KCNH8: variants seen among roughly 807,000 people sequenced by gnomAD.
KCNH8 encodes potassium voltage-gated channel subfamily H member 8.
In KCNH8, 70 loss-of-function variants were observed where a neutral mutation model predicts 103.6. The ratio of observed to expected loss-of-function variants is 0.68; its 90% CI spans 0.56 to 0.82. KCNH8 has a LOEUF of 0.82. Ranked by LOEUF, KCNH8 falls within the 40% of genes least tolerant of loss-of-function variation. KCNH8 has a pLI of 0.00. For synonymous variants in KCNH8, 498 were observed against 489.4 expected, an observed-to-expected ratio of 1.02 and a Z score of -0.23; for missense variants, 1,217 against 1,329.9, an observed-to-expected ratio of 0.92 and a Z score of 1.32.
intron 7 of KCNH8, among the ~76,000 whole-genome samples, chr3:19,420,151 A>G (rs1293207527): frequency 6.6e-6 from 1 of 152,220 alleles, no homozygotes; most frequent in African/African-American, 2.4e-5. Flanking sequence ...TAAGTGATGT[A>G]GAGTGATTAA....
intron 7 of KCNH8, among the ~76,000 whole-genome samples, chr3:19,397,214 G>A (rs2066532599): frequency 6.6e-6 from 1 of 151,826 alleles, no homozygotes; most frequent in South Asian, 2.1e-4. Context: ...TCAATGTAAT[G>A]AGTAGCAGGT....
intron 3 of KCNH8, among the ~76,000 whole-genome samples, chr3:19,303,451 C>T (rs558157483): frequency 4.6e-5 from 7 of 152,260 alleles, no homozygotes; most frequent in East Asian, 1.9e-4. Context: ...ACAAGCAACA[C>T]GATTTTCACT....
intron 7 of KCNH8, among the ~76,000 whole-genome samples, chr3:19,418,475 AT>A (rs1318521118): frequency 6.6e-6 from 1 of 152,204 alleles, no homozygotes; most frequent in Non-Finnish European, 1.5e-5. Flanking sequence ...GAGAATCAGG[AT>A]TTTTTGATAA....
intron 3 of KCNH8, among the ~76,000 whole-genome samples, chr3:19,335,456 T>C (rs1306679438): frequency 7.4e-6 from 1 of 134,670 alleles, no homozygotes; most frequent in Non-Finnish European, 1.6e-5. Flanking sequence ...TATATATATA[T>C]GTGTGTGTGT....
intron 3 of KCNH8, among the ~76,000 whole-genome samples, chr3:19,311,306 A>G (rs1382315086): frequency 6.6e-6 from 1 of 151,668 alleles, no homozygotes; most frequent in Non-Finnish European, 1.5e-5. Context: ...TCTTATTAAC[A>G]CCATTTTTAA....
At chr3:19,234,141 T>C (rs908660881) in intron 1 of KCNH8, among the ~76,000 whole-genome samples, 3 of 152,204 alleles carry the variant, frequency 2.0e-5, no homozygotes, top group Admixed American at 1.3e-4. Context: ...GACAGGGCGC[T>C]GTTTGGTGCG....
intron 11 of KCNH8, among the ~76,000 whole-genome samples, chr3:19,475,036 G>A (rs911395091): frequency 6.6e-6 from 1 of 152,070 alleles, no homozygotes; most frequent in South Asian, 2.1e-4. Context: ...TTCCTCCAAA[G>A]AATCTAAAGC....
intron 3 of KCNH8, among the ~76,000 whole-genome samples, chr3:19,292,971 A>G (rs1053385189): frequency 3.9e-5 from 6 of 152,192 alleles, no homozygotes; most frequent in African/African-American, 1.2e-4. Context: ...CAATAAATCA[A>G]GGTTTGGGTT....
chr3:19,343,279 A>C (rs976565647), intron 4 of KCNH8, among the ~76,000 whole-genome samples: 2 of 152,118 alleles, frequency 1.3e-5, no homozygotes, highest in Non-Finnish European at 2.9e-5. Flanking sequence ...CTTCTAGTAA[A>C]TTACAATAGA....
chr3:19,520,364 C>G (rs77179020), intron 15 of KCNH8, among the ~76,000 whole-genome samples: 16,801 of 151,850 alleles, frequency 0.11, 1,218 homozygotes, highest in East Asian at 0.36. Flanking sequence ...ATTTATTCTT[C>G]GTCGAAGATT....
chr3:19,344,566 T>A (rs2065704436), intron 4 of KCNH8, among the ~76,000 whole-genome samples: 1 of 152,076 alleles, frequency 6.6e-6, no homozygotes, highest in African/African-American at 2.4e-5. Context: ...AATATCTTAT[T>A]CCTGAAGCAA....
At chr3:19,174,000 T>TC (rs1223856534) in intron 1 of KCNH8, among the ~76,000 whole-genome samples, 1 of 150,428 alleles carries the variant, frequency 6.6e-6, no homozygotes, top group Non-Finnish European at 1.5e-5. Context: ...TCCTTTTTTT[T>TC]CTCCCCTATT....
At position 19,235,622 on chromosome 3, in the gene KCNH8, A is replaced by G. The variant is rs1197756877; in HGVS notation, c.77-18032A>G. ...TTTTATGTCTGAATACTTAAGAATA[A>G]CGATATAACAATGATCATCTATGTA... On this transcript the variant is annotated intron_variant, in intron 1 of 15. Coordinates refer to ENST00000328405, the MANE Select transcript of KCNH8 (RefSeq NM_144633.3). Among the ~76,000 whole-genome samples the G allele has an allele frequency of 2.0e-5, 3 of 152,194 alleles. No individual in the cohort carries two copies. In the East Asian group the frequency reaches 5.8e-4, roughly 29 times the overall value.
intron 11 of KCNH8, among the ~76,000 whole-genome samples, chr3:19,464,689 T>C (rs2067700131): frequency 6.6e-6 from 1 of 152,038 alleles, no homozygotes; most frequent in Non-Finnish European, 1.5e-5. Flanking sequence ...GAAAAAGACA[T>C]ATACTTCAGT....
At chr3:19,272,109 T>C (rs7647965) in intron 2 of KCNH8, among the ~76,000 whole-genome samples, 12,062 of 152,100 alleles carry the variant, frequency 0.079, 1,469 homozygotes, top group African/African-American at 0.26. Flanking sequence ...GTAATTCCTT[T>C]GTTTTTGACC....
chr3:19,497,409 C>T (rs181005994), intron 11 of KCNH8, among the ~76,000 whole-genome samples: 20 of 152,200 alleles, frequency 1.3e-4, no homozygotes, highest in Admixed American at 5.9e-4. Flanking sequence ...CTTAACACCG[C>T]CTTAGCTGTG....
chr3:19,503,327 G>A (rs2068626645), intron 11 of KCNH8, among the ~76,000 whole-genome samples: 1 of 152,150 alleles, frequency 6.6e-6, no homozygotes, highest in African/African-American at 2.4e-5. Context: ...TACACTGTTG[G>A]TGGGACTGCA....
intron 1 of KCNH8, among the ~76,000 whole-genome samples, chr3:19,187,486 T>C (rs2063514103): frequency 6.6e-6 from 1 of 152,092 alleles, no homozygotes; most frequent in Non-Finnish European, 1.5e-5. Context: ...TCACTGGGGT[T>C]ATATCACCTC....
At chr3:19,378,755 T>C (rs1024854308) in intron 5 of KCNH8, among the ~76,000 whole-genome samples, 78 of 152,366 alleles carry the variant, frequency 5.1e-4, no homozygotes, top group South Asian at 4.1e-4. Flanking sequence ...ATATACTTTA[T>C]GGTGACAAGT....
Sources: gnomAD v4.1 joint callset for allele counts (sites outside exome capture counted in the v4.1 genomes callset) on GRCh38, gnomAD v4.1.1 for gene constraint, MANE v1.5 for transcripts, NCBI Gene and HGNC (gene_info 2026-07-23, HGNC 2026-07-21) for gene names.